Variants in KLHL1 observed in about 807,000 individuals in gnomAD.
KLHL1 encodes the protein kelch-like protein 1.
KLHL1 carries 47 observed loss-of-function variants against 77.7 expected under a neutral mutation model. The ratio of observed to expected loss-of-function variants is 0.60; its 90% CI spans 0.48 to 0.77. The LOEUF (loss-of-function observed/expected upper bound fraction) is 0.77, where lower values mean the gene tolerates loss of function less well. Among genes scored for constraint, KLHL1 ranks in the 30% least tolerant of loss-of-function variants. KLHL1 has a pLI of 0.00. For synonymous variants in KLHL1, 360 were observed against 325.2 expected (o/e 1.11, Z -1.15); for missense variants, 925 against 910.8 (o/e 1.02, Z -0.20).
chr13:69,796,277 GT>G (rs1413771090), intron 7 of KLHL1, among the ~76,000 whole-genome samples: 1 of 152,086 alleles, frequency 6.6e-6, no homozygotes, highest in East Asian at 1.9e-4. Flanking sequence ...TTGGATGTTT[GT>G]CCCCCCAAAA....
intron 1 of KLHL1, among the ~76,000 whole-genome samples, chr13:70,042,503 C>T (rs1886400541): frequency 6.6e-6 from 1 of 152,116 alleles, no homozygotes; most frequent in African/African-American, 2.4e-5. Context: ...CACCTGGTGA[C>T]ACTGAAGCCA....
At chr13:69,713,630 T>G (rs1875979559) in intron 9 of KLHL1, among the ~76,000 whole-genome samples, 2 of 152,170 alleles carry the variant, frequency 1.3e-5, no homozygotes, top group African/African-American at 4.8e-5. Context: ...ACATGCTTTA[T>G]CAAACTGATT....
At chr13:70,055,545 A>G in intron 1 of KLHL1, among the ~76,000 whole-genome samples, 1 of 152,268 alleles carries the variant, frequency 6.6e-6, no homozygotes, top group South Asian at 2.1e-4. Flanking sequence ...GATTGCATTA[A>G]CTAGTAATAT....
chr13:69,778,964 T>C (rs1875981270), intron 7 of KLHL1, among the ~76,000 whole-genome samples: 1 of 151,600 alleles, frequency 6.6e-6, no homozygotes, highest in South Asian at 2.1e-4. Context: ...ATACCCAGAT[T>C]ATTTTTTGTA....
chr13:69,902,079 C>T lies in KLHL1; in HGVS notation c.1015-19584G>A, dbSNP rs368785659. On this transcript the variant is annotated intron_variant, in intron 4 of 10. Transcript: ENST00000377844. ...CCTCCCAGAGTGCTGGGATTACAGG[C>T]GTGAGCCACCACGCCCAGCCCACAA... is the stretch of plus-strand genomic sequence containing the variant. Among the ~76,000 whole-genome samples, 183 of 152,192 alleles carry T rather than the reference C, an allele frequency of 1.2e-3. 6 individuals are homozygous for T. In the South Asian group the frequency reaches 0.037, roughly 31 times the overall value.
intron 7 of KLHL1, among the ~76,000 whole-genome samples, chr13:69,769,399 A>C (rs1304838761): frequency 6.6e-6 from 1 of 152,074 alleles, no homozygotes; most frequent in African/African-American, 2.4e-5. Context: ...GCAAAGGAAA[A>C]ATACTGATGA....
intron 7 of KLHL1, among the ~76,000 whole-genome samples, chr13:69,747,045 C>T (rs886187573): frequency 5.3e-5 from 8 of 152,048 alleles, no homozygotes; most frequent in Admixed American, 5.3e-4. Flanking sequence ...TCCAGAAATG[C>T]ATGGAGAAAG....
intron 1 of KLHL1, among the ~76,000 whole-genome samples, chr13:70,068,720 C>G (rs574555855): frequency 7.9e-5 from 12 of 152,274 alleles, no homozygotes; most frequent in African/African-American, 2.2e-4. Flanking sequence ...GTAATAAATT[C>G]ATGTAAATAA....
At chr13:69,812,429 C>G (rs991659074) in intron 6 of KLHL1, among the ~76,000 whole-genome samples, 1 of 152,150 alleles carries the variant, frequency 6.6e-6, no homozygotes, top group African/African-American at 2.4e-5. Context: ...GACTTCATGT[C>G]TAAAACACCA....
At chr13:70,086,951 A>G (rs536349360) in intron 1 of KLHL1, among the ~76,000 whole-genome samples, 142 of 152,282 alleles carry the variant, frequency 9.3e-4, no homozygotes, top group African/African-American at 3.3e-3. Context: ...GTAAAGCAAT[A>G]TGGGTCAGGG....
intron 1 of KLHL1, among the ~76,000 whole-genome samples, chr13:69,988,641 A>C (rs1216703333): frequency 6.6e-6 from 1 of 152,030 alleles, no homozygotes; most frequent in Admixed American, 6.6e-5. Context: ...TTGACTTTTT[A>C]ATAATAGCCA....
At chr13:69,961,214 AATTT>A in intron 3 of KLHL1, 90 bp downstream of exon 3, 1 of 1,186,076 alleles carries the variant, frequency 8.4e-7, no homozygotes, top group South Asian at 1.6e-5. Flanking sequence ...CAGAATACAG[AATTT>A]TTTTTAAAAA....
chr13:70,096,224 G>A (rs1887785139), intron 1 of KLHL1, among the ~76,000 whole-genome samples: 1 of 151,956 alleles, frequency 6.6e-6, no homozygotes, highest in African/African-American at 2.4e-5. Flanking sequence ...AGGGATTGCT[G>A]GATTATATGG....
At chr13:69,840,890 T>A (rs538788714) in intron 5 of KLHL1, among the ~76,000 whole-genome samples, 82 of 151,898 alleles carry the variant, frequency 5.4e-4, no homozygotes, top group African/African-American at 1.9e-3. Flanking sequence ...CTCTTGATCA[T>A]CTGTGTGTCA....
intron 1 of KLHL1, among the ~76,000 whole-genome samples, chr13:70,061,072 G>T (rs1886868394): frequency 6.6e-6 from 1 of 152,044 alleles, no homozygotes; most frequent in South Asian, 2.1e-4. Flanking sequence ...GGTACCACAG[G>T]CTGGGAGGGG....
chr13:69,866,582 G>A (rs139110629), intron 5 of KLHL1, among the ~76,000 whole-genome samples: 31 of 152,184 alleles, frequency 2.0e-4, no homozygotes, highest in Admixed American at 3.9e-4. Flanking sequence ...CAGGGATTCC[G>A]CGAGTTAGAG....
chr13:70,037,360 A>T (rs1886265233), intron 1 of KLHL1, among the ~76,000 whole-genome samples: 1 of 152,046 alleles, frequency 6.6e-6, no homozygotes, highest in Admixed American at 6.6e-5. Context: ...ATATAATTTC[A>T]GTATCTCTTG....
At chr13:70,080,392 ATTAAG>A (rs1029846328) in intron 1 of KLHL1, among the ~76,000 whole-genome samples, 4 of 152,196 alleles carry the variant, frequency 2.6e-5, no homozygotes, top group African/African-American at 2.4e-5. Flanking sequence ...GATCTTTAAA[ATTAAG>A]TTATTTTTTA....
intron 6 of KLHL1, among the ~76,000 whole-genome samples, chr13:69,812,725 A>T (rs967734312): frequency 3.3e-5 from 5 of 151,560 alleles, no homozygotes; most frequent in African/African-American, 1.2e-4. Flanking sequence ...AAAAATGCTC[A>T]TCATCACTGG....
Sources: gnomAD v4.1 joint callset for allele counts (sites outside exome capture counted in the v4.1 genomes callset) on GRCh38, gnomAD v4.1.1 for gene constraint, MANE v1.5 for transcripts, NCBI Gene and HGNC (gene_info 2026-07-23, HGNC 2026-07-21) for gene names.